KIAA0753: variants seen among roughly 807,000 people sequenced by gnomAD.
KIAA0753 encodes protein moonraker.
Under a neutral mutation model 116.9 loss-of-function variants are expected in KIAA0753, and 114 were observed. That is an observed-to-expected ratio of 0.98 (90% CI 0.84 to 1.14). KIAA0753 has a LOEUF of 1.14. Among genes scored for constraint, KIAA0753 ranks in the 50% most tolerant of loss-of-function variants. KIAA0753 has a pLI of 0.00. For synonymous variants in KIAA0753, 405 were observed against 413.1 expected, an observed-to-expected ratio of 0.98 and a Z score of 0.24; for missense variants, 1,156 against 1,172.4, an observed-to-expected ratio of 0.99 and a Z score of 0.20.
At chr17:6,629,315 C>T (rs923015256) in intron 2 of KIAA0753, among the ~76,000 whole-genome samples, 3 of 152,122 alleles carry the variant, frequency 2.0e-5, no homozygotes, top group East Asian at 1.9e-4. Context: ...AGTTTTGTTT[C>T]GTTTTGCACT....
chr17:6,591,069 AAGAAGAAGAAGAAGAAGAAGAAGAAG>A (rs1969017079), intron 16 of KIAA0753, among the ~76,000 whole-genome samples: 1 of 121,808 alleles, frequency 8.2e-6, no homozygotes, highest in Admixed American at 7.7e-5. Flanking sequence ...GAAGAAGAAG[AAGAAGAAGAAGAAGAAGAAGAAGAAG>A]AAGAAGAAGA....
At chr17:6,594,200 A>C (rs1969291997) in intron 16 of KIAA0753, among the ~76,000 whole-genome samples, 1 of 152,158 alleles carries the variant, frequency 6.6e-6, no homozygotes, top group Non-Finnish European at 1.5e-5. Context: ...AACAAGGAAT[A>C]GATCCTTCCC....
intron 2 of KIAA0753, among the ~76,000 whole-genome samples, chr17:6,634,476 T>A (rs144376750): frequency 1.3e-5 from 2 of 152,282 alleles, no homozygotes; most frequent in South Asian, 2.1e-4. Context: ...CAATTGACTT[T>A]GAAATGTGTC....
chr17:6,600,013 T>C (rs1969751506), intron 13 of KIAA0753, among the ~76,000 whole-genome samples: 1 of 152,138 alleles, frequency 6.6e-6, no homozygotes, highest in Non-Finnish European at 1.5e-5. Context: ...TCTCTCTCCT[T>C]TGGAAAAATA....
chr17:6,612,121 G>A lies in KIAA0753; in HGVS notation c.1343C>T (p.Pro448Leu), dbSNP rs192027791. ...CTCACTCTGCAACCTCTGGGTCTCC[G>A]GAAGCTCCGTATCGGGCTGATACTT... ...ADKYQPDTEL[P>L]ETQRLQSELD... The change falls in exon 8 of 19, where the codon CCG becomes CTG. Residue 448 changes from proline (P) to leucine (L), a missense_variant. Physicochemically the swap from Pro to Leu is moderately conservative, Grantham distance 98. Coordinates refer to ENST00000361413, the MANE Select transcript of KIAA0753 (RefSeq NM_014804.3). The A allele has an allele frequency of 9.3e-6, 15 of 1,613,980 alleles. No individual in the cohort carries two copies. Among genetic ancestry groups the A allele is most frequent in the Middle Eastern group, 3.3e-4 (2 of 6,062 alleles).
At chr17:6,591,058 A>AGGAAGAAGGAAGAAG (rs1382436774) in intron 16 of KIAA0753, among the ~76,000 whole-genome samples, 42 of 43,578 alleles carry the variant, frequency 9.6e-4, no homozygotes, top group African/African-American at 3.0e-3. Flanking sequence ...AAGAAGAAGA[A>AGGAAGAAGGAAGAAG]GAAGAAGAAG....
In KIAA0753 at chr17:6,616,938, C is replaced by T. The variant is rs550361440; in HGVS notation, c.1315+3850G>A. Among the ~76,000 whole-genome samples, 3 of 152,322 alleles carry T rather than the reference C, an allele frequency of 2.0e-5. No homozygotes were observed. The South Asian group carries it at 6.2e-4, about 32-fold the overall frequency. The stretch of plus-strand genomic sequence containing the variant: ...TGGTCCAAGTTTCCCCCCTTTGCCT[C>T]CCAGCTTTCCTACATTTGTTCCTGT... On this transcript the variant is annotated intron_variant, in intron 7 of 18. Coordinates refer to ENST00000361413, the MANE Select transcript of KIAA0753 (RefSeq NM_014804.3).
At chr17:6,624,057 C>T (rs546228689) in intron 4 of KIAA0753, 1 of 152,566 alleles carries the variant, frequency 6.6e-6, no homozygotes, top group African/African-American at 2.4e-5. Flanking sequence ...CAGGCATTTT[C>T]TTTTAAATGA....
At chr17:6,580,674 T>C (rs1968094858) in intron 18 of KIAA0753, among the ~76,000 whole-genome samples, 2 of 152,144 alleles carry the variant, frequency 1.3e-5, no homozygotes, top group African/African-American at 4.8e-5. Flanking sequence ...GACAGAAGGA[T>C]GGTGGTGCTT....
rs547689765 is a variant in KIAA0753 at position 6,579,575 on chromosome 17, C to T, written c.*172G>A. ...TACATTTCCAGAACCATTGCCATGA[C>T]AAAAGAAAATGCAAAGTGAGGATGA... On this transcript the variant is annotated 3_prime_UTR_variant, in exon 19 of 19. Coordinates refer to ENST00000361413, the MANE Select transcript of KIAA0753 (RefSeq NM_014804.3). The T allele has an allele frequency of 1.7e-3, 1,085 of 624,288 alleles. 20 individuals carry two copies. The South Asian group carries it at 0.02, about 12-fold the overall frequency. The allele number at this position is 624,288 out of a possible 1,614,324, so 38.7% of individuals were successfully genotyped here. A position where few individuals can be genotyped will look rare whatever the true frequency, so the allele number is the denominator to read the frequency against.
At chr17:6,631,464 G>A (rs1972016971) in intron 2 of KIAA0753, among the ~76,000 whole-genome samples, 1 of 152,190 alleles carries the variant, frequency 6.6e-6, no homozygotes, top group East Asian at 1.9e-4. Context: ...TCTGGGACAA[G>A]GGAGTTGGAA....
chr17:6,636,773 A>G (rs1361017769), intron 1 of KIAA0753: 3 of 152,068 alleles, frequency 2.0e-5, no homozygotes, highest in Non-Finnish European at 4.4e-5. Context: ...CTTCTTCCCT[A>G]CACACACTAC....
intron 10 of KIAA0753, among the ~76,000 whole-genome samples, chr17:6,607,713 G>A (rs539452641): frequency 6.6e-6 from 1 of 152,310 alleles, no homozygotes; most frequent in South Asian, 2.1e-4. Flanking sequence ...TATGAATATT[G>A]TCAAATTATT....
chr17:6,628,726 T>C lies in KIAA0753; in HGVS notation c.109A>G (p.Asn37Asp). 2 of 1,592,698 alleles carry C rather than the reference T, an allele frequency of 1.3e-6. No homozygotes were observed. The highest frequency in any genetic ancestry group is 2.3e-5 in the South Asian group (2 of 87,504). The change falls in exon 3 of 19, where the codon AAT (asparagine) becomes GAT (aspartate). Residue 37 changes from asparagine (N) to aspartate (D), a missense_variant. Physicochemically the swap from Asn to Asp is conservative, Grantham distance 23. Transcript: ENST00000361413. ...VLQTQNQLQF[N>D]RNVPTHSSNL... The stretch of plus-strand genomic sequence containing the variant: ...CTTGAATGTGTAGGAACATTCCTAT[T>C]AAACTGCAGCTGGTTCTTTAAAAAG...
chr17:6,611,811 C>A, intron 8 of KIAA0753, 108 bp downstream of exon 8: 1 of 806,612 alleles, frequency 1.2e-6, no homozygotes, highest in Non-Finnish European at 2.1e-6. Flanking sequence ...GACTCAAGGA[C>A]TGCAGCATCC....
intron 3 of KIAA0753, among the ~76,000 whole-genome samples, chr17:6,625,476 G>A (rs551179173): frequency 1.3e-3 from 194 of 152,046 alleles, no homozygotes; most frequent in African/African-American, 4.4e-3. Flanking sequence ...AGGCCAGCCC[G>A]GCCAACATGG....
chr17:6,605,865 T>C (rs1970164557), intron 12 of KIAA0753, among the ~76,000 whole-genome samples: 1 of 152,166 alleles, frequency 6.6e-6, no homozygotes. Flanking sequence ...TCTATATGTG[T>C]GATATGTTTA....
At chr17:6,582,781 TACA>T (rs1381885020) in intron 18 of KIAA0753, among the ~76,000 whole-genome samples, 2 of 152,250 alleles carry the variant, frequency 1.3e-5, no homozygotes, top group South Asian at 2.1e-4. Flanking sequence ...CACCCTGGAT[TACA>T]ACAAGTATCC....
At chr17:6,590,697 T>C in intron 16 of KIAA0753, 67 bp from the exon 17 acceptor site, 14 of 1,580,608 alleles carry the variant, frequency 8.9e-6, no homozygotes, top group South Asian at 1.1e-5. Context: ...AGAGCTGTTC[T>C]AGTGGCCAAG....
Sources: gnomAD v4.1 joint callset for allele counts (sites outside exome capture counted in the v4.1 genomes callset) on GRCh38, gnomAD v4.1.1 for gene constraint, MANE v1.5 for transcripts, NCBI Gene and HGNC (gene_info 2026-07-23, HGNC 2026-07-21) for gene names.